Variants in HGF observed in about 807,000 individuals in gnomAD.
HGF encodes hepatocyte growth factor.
Under a neutral mutation model 111.6 loss-of-function variants are expected in HGF, and 39 were observed. That is an observed-to-expected ratio of 0.35 (90% CI 0.27 to 0.46). The LOEUF (loss-of-function observed/expected upper bound fraction) is 0.46. HGF is among the 20% of genes least tolerant of loss of function. The pLI, the probability that HGF is intolerant of heterozygous loss-of-function variation, is 1.00. For missense variants in HGF, 735 were observed against 910.5 expected, an observed-to-expected ratio of 0.81 and a Z score of 2.48; for synonymous variants, 285 against 294.8, an observed-to-expected ratio of 0.97 and a Z score of 0.34.
intron 4 of HGF, chr7:81,755,828 ATTG>A: frequency 1.8e-6 from 1 of 546,468 alleles, no homozygotes; most frequent in Non-Finnish European, 3.2e-6. Flanking sequence ...AATTTTGAAA[ATTG>A]TTGTTTTCTG....
At chr7:81,756,368 G>A (rs1379134021) in intron 4 of HGF, 1 of 284,748 alleles carries the variant, frequency 3.5e-6, no homozygotes, top group East Asian at 6.7e-5. Context: ...TTACTAATAA[G>A]GGGAGAGCTG....
intron 7 of HGF, among the ~76,000 whole-genome samples, chr7:81,740,225 A>G (rs1387141256): frequency 2.6e-5 from 4 of 152,370 alleles, no homozygotes; most frequent in Non-Finnish European, 4.4e-5. Context: ...AGTAAGTGAC[A>G]TAATCATTAT....
chr7:81,706,567 C>A, intron 14 of HGF, 140 bp from the exon 15 acceptor site: 1 of 678,952 alleles, frequency 1.5e-6, no homozygotes, highest in Non-Finnish European at 2.5e-6. Flanking sequence ...TAAAGAACAA[C>A]ACATTTGTTA....
At position 81,725,727 on chromosome 7, in the gene HGF, T is replaced by A. The variant is rs373996167; in HGVS notation, c.1168+163A>T. On this transcript the variant is annotated intron_variant, in intron 9 of 17. Coordinates refer to ENST00000222390, the MANE Select transcript of HGF (RefSeq NM_000601.6). ...CTCAGCTAAATAAATAAATCTTGAG[T>A]GAATAAACATAAGAAAAATCCAGCT... 3.9e-5 allele frequency among the ~76,000 whole-genome samples: 6 copies of A among 152,228 alleles called. No homozygotes were observed. In the South Asian group the frequency reaches 1.0e-3, roughly 26 times the overall value.
rs2116021995 is a variant in HGF at position 81,743,381 on chromosome 7, G to A, written c.837C>T (p.Arg279=). Reference sequence around the variant, plus strand: ...ATGTTTTAATTGCACAGTACTCCCAGCGGGTGTGAGGGTCAAGAGTATAGC... The same window carrying A: ...ATGTTTTAATTGCACAGTACTCCCAACGGGTGTGAGGGTCAAGAGTATAGC... ...PWCYTLDPHT[R]WEYCAIKTCA... Residue 279 remains arginine (R), a synonymous_variant, in exon 7 of 18, where the codon CGC becomes CGT. Transcript: ENST00000222390. 6.2e-7 allele frequency: 1 copy of A among 1,611,032 alleles called. No homozygotes were observed. The highest frequency in any genetic ancestry group is 8.5e-7 in the Non-Finnish European group (1 of 1,177,134).
At chr7:81,761,711 C>G (rs1008262390) in intron 2 of HGF, among the ~76,000 whole-genome samples, 1 of 145,462 alleles carries the variant, frequency 6.9e-6, no homozygotes, top group African/African-American at 2.5e-5. Context: ...GTTTTATCTT[C>G]TGGGATCACT....
chr7:81,733,135 A>C (rs1456901298), intron 7 of HGF, among the ~76,000 whole-genome samples: 2 of 152,036 alleles, frequency 1.3e-5, no homozygotes, highest in African/African-American at 4.8e-5. Context: ...TTGAAAAGTC[A>C]TTGAACATTC....
chr7:81,710,317 T>C (rs1304744850), intron 12 of HGF, 74 bp from the exon 13 acceptor site: 2 of 951,904 alleles, frequency 2.1e-6, no homozygotes, highest in Non-Finnish European at 3.4e-6. Context: ...TTTTCTTAAA[T>C]GCAATGATAA....
intron 5 of HGF, chr7:81,751,155 A>G: frequency 4.4e-6 from 4 of 909,052 alleles, no homozygotes; most frequent in Non-Finnish European, 5.3e-6. Flanking sequence ...TGGAGGAAAT[A>G]TTTTTAAAAA....
At chr7:81,736,885 G>A in intron 7 of HGF, 1 of 378,224 alleles carries the variant, frequency 2.6e-6, no homozygotes, top group East Asian at 7.3e-5. Flanking sequence ...TTTAATTTAT[G>A]TGTAGAGGGG....
At position 81,720,777 on chromosome 7, in the gene HGF, T is replaced by C; in HGVS notation, c.1239A>G (p.Ser413=). 4 of 1,612,916 alleles carry C rather than the reference T, an allele frequency of 2.5e-6. No individual in the cohort carries two copies. Among genetic ancestry groups the C allele is most frequent in the Non-Finnish European group, 3.4e-6 (4 of 1,178,926 alleles). ...LSQTRSGLTC[S]MWDKNMEDLH... ...AGTCTTCCATGTTCTTGTCCCACATTGAACATGTTAGTCCAGATCTTGTTT... is the reference window on the plus strand; with the variant it reads ...AGTCTTCCATGTTCTTGTCCCACATCGAACATGTTAGTCCAGATCTTGTTT... Residue 413 remains serine, a synonymous_variant, in exon 10 of 18, where the codon TCA becomes TCG. Transcript: ENST00000222390.
intron 5 of HGF, among the ~76,000 whole-genome samples, chr7:81,746,113 A>T (rs1788239833): frequency 6.6e-6 from 1 of 152,214 alleles, no homozygotes; most frequent in Non-Finnish European, 1.5e-5. Context: ...TAGCCTAATG[A>T]GTATTTGTAG....
At chr7:81,711,631 A>C in intron 11 of HGF, 112 bp from the exon 12 acceptor site, 1 of 529,904 alleles carries the variant, frequency 1.9e-6, no homozygotes, top group Non-Finnish European at 3.4e-6. Flanking sequence ...AATTTACTAA[A>C]ATTTTTGTTG....
At chr7:81,750,408 G>A (rs573539959) in intron 5 of HGF, among the ~76,000 whole-genome samples, 8 of 151,808 alleles carry the variant, frequency 5.3e-5, no homozygotes, top group African/African-American at 1.4e-4. Context: ...TTGGTGCCGC[G>A]GTGACCAATA....
rs376796866 is a variant in HGF, at chr7:81,721,998, CT to C, written c.1169-1152del. On this transcript the variant is annotated intron_variant, in intron 9 of 17. Coordinates refer to ENST00000222390, the MANE Select transcript of HGF (RefSeq NM_000601.6). ...TTTGTATTTGTTCGTTAGCATTCTT[CT>C]GTAAATAAAAATTTTTCCTTTTCCC... Among the ~76,000 whole-genome samples, 632 of 152,194 alleles carry C rather than the reference CT, an allele frequency of 4.2e-3. 3 individuals are homozygous for C. Among genetic ancestry groups the C allele is most frequent in the African/African-American group, 0.014 (566 of 41,502 alleles).
chr7:81,758,718 T>C lies in HGF; in HGVS notation c.341A>G (p.His114Arg), dbSNP rs1788909018. The C allele has an allele frequency of 6.2e-7, 1 of 1,610,764 alleles. No homozygotes were observed. Among genetic ancestry groups the C allele is most frequent in the Non-Finnish European group, 8.5e-7 (1 of 1,177,206 alleles). Residue 114 changes from histidine to arginine, a missense_variant, in exon 3 of 18, where the codon CAT (histidine) becomes CGT (arginine). By Grantham distance (29) the His-to-Arg change is conservative (BLOSUM62 0). Coordinates refer to ENST00000222390, the MANE Select transcript of HGF (RefSeq NM_000601.6). Reference protein sequence around the residue: ...MSSGVKKEFGHEFDLYENKDY... With the variant: ...MSSGVKKEFGREFDLYENKDY... ...TTTGTTTTCATAGAGGTCAAATTCA[T>C]GGCCAAATTCTTTTTTCACTCCACT...
chr7:81,755,244 G>A (rs983982884), intron 4 of HGF: 42 of 151,930 alleles, frequency 2.8e-4, no homozygotes, highest in African/African-American at 1.0e-3. Context: ...TTTCAATTTA[G>A]GGGTCAACAA....
chr7:81,717,444 T>C (rs1344778918), intron 10 of HGF, 79 bp from the exon 11 acceptor site: 3 of 1,320,290 alleles, frequency 2.3e-6, no homozygotes, highest in East Asian at 2.3e-5. Flanking sequence ...AAAGATATAA[T>C]CTCAGCACAT....
At chr7:81,726,394 T>C (rs1161230655) in intron 8 of HGF, among the ~76,000 whole-genome samples, 1 of 152,188 alleles carries the variant, frequency 6.6e-6, no homozygotes, top group Non-Finnish European at 1.5e-5. Flanking sequence ...GCCCACATAT[T>C]GTGTAGAAAC....
Sources: gnomAD v4.1 joint callset for allele counts (sites outside exome capture counted in the v4.1 genomes callset) on GRCh38, gnomAD v4.1.1 for gene constraint, MANE v1.5 for transcripts, NCBI Gene and HGNC (gene_info 2026-07-23, HGNC 2026-07-21) for gene names.